Variants in ST7L observed in about 807,000 individuals in gnomAD.
The protein encoded by ST7L is suppression of tumorigenicity 7 like.
A neutral mutation model predicts 72.5 loss-of-function variants in ST7L; 57 were observed. The ratio of observed to expected loss-of-function variants is 0.79; its 90% CI spans 0.64 to 0.98. The LOEUF (loss-of-function observed/expected upper bound fraction) is 0.98. Among genes scored for constraint, ST7L ranks in the 50% least tolerant of loss-of-function variants. ST7L has a pLI of 0.00. For missense variants in ST7L, 576 were observed against 672.2 expected (o/e 0.86, Z 1.58); for synonymous variants, 221 against 240.9 (o/e 0.92, Z 0.77).
intron 2 of ST7L, among the ~76,000 whole-genome samples, chr1:112,614,751 A>C (rs1295903974): frequency 6.6e-6 from 1 of 152,118 alleles, no homozygotes; most frequent in African/African-American, 2.4e-5. Flanking sequence ...GTCTGAGACT[A>C]CCCTGAACAA....
chr1:112,573,048 G>A (rs371222009), intron 11 of ST7L, among the ~76,000 whole-genome samples: 2 of 151,916 alleles, frequency 1.3e-5, no homozygotes, highest in South Asian at 4.1e-4. Flanking sequence ...ACTAGCCAAG[G>A]TTAGGAATTA....
intron 4 of ST7L, among the ~76,000 whole-genome samples, chr1:112,599,073 A>AAAAAAAAAATATATATAT (rs1190968815): frequency 3.5e-5 from 2 of 57,002 alleles, no homozygotes; most frequent in African/African-American, 6.8e-5. Flanking sequence ...AAAAAAAAAA[A>AAAAAAAAAATATATATAT]ATATATATAT....
At chr1:112,587,693 T>C (rs116418142) in intron 6 of ST7L, among the ~76,000 whole-genome samples, 3,071 of 152,342 alleles carry the variant, frequency 0.02, 106 homozygotes, top group African/African-American at 0.069. Flanking sequence ...TCTAGGTGTC[T>C]ATCCTTGTAA....
At chr1:112,592,812 C>T (rs760245047) in intron 5 of ST7L, among the ~76,000 whole-genome samples, 28 of 151,870 alleles carry the variant, frequency 1.8e-4, no homozygotes, top group Non-Finnish European at 3.7e-4. Context: ...TTTGCTAATA[C>T]AAAACATTGT....
At chr1:112,616,194 C>G (rs1265845061) in intron 2 of ST7L, among the ~76,000 whole-genome samples, 3 of 152,178 alleles carry the variant, frequency 2.0e-5, no homozygotes, top group Admixed American at 2.0e-4. Context: ...TTATTAAACT[C>G]TATCCATTTC....
intron 4 of ST7L, among the ~76,000 whole-genome samples, chr1:112,600,491 G>A (rs1366239260): frequency 6.6e-6 from 1 of 152,054 alleles, no homozygotes; most frequent in Non-Finnish European, 1.5e-5. Context: ...AGCTACTTGG[G>A]AGGCTGAGGC....
rs756525925 is a variant in ST7L at position 112,611,011 on chromosome 1, A to G, written c.289-8T>C. ...GTACCACCATTCAAATATCTATGAC[A>G]AACAGAAAATATCCTGCACTTAGAA... On this transcript the variant is annotated splice_region_variant and splice_polypyrimidine_tract_variant and intron_variant, in intron 2 of 14. Coordinates refer to ENST00000358039, the MANE Select transcript of ST7L (RefSeq NM_017744.5). 6 of 1,612,660 alleles carry G rather than the reference A, an allele frequency of 3.7e-6. No homozygotes were observed. The African/African-American group carries it at 8.0e-5, about 22-fold the overall frequency.
At chr1:112,610,054 C>T (rs889969903) in intron 3 of ST7L, among the ~76,000 whole-genome samples, 5 of 151,762 alleles carry the variant, frequency 3.3e-5, no homozygotes, top group African/African-American at 1.2e-4. Context: ...TATATATATA[C>T]ACTGAGAAAA....
At chr1:112,582,139 C>A (rs1382106813) in intron 8 of ST7L, 33 bp from the exon 9 acceptor site, 1 of 1,483,930 alleles carries the variant, frequency 6.7e-7, no homozygotes, top group East Asian at 2.3e-5. Context: ...AGATTAAAAT[C>A]ATAACAAAGG....
intron 5 of ST7L, among the ~76,000 whole-genome samples, chr1:112,596,878 C>T (rs1219269868): frequency 6.6e-6 from 1 of 152,106 alleles, no homozygotes. Context: ...CTCTGGTGAT[C>T]CATCCACCTC....
At chr1:112,599,073 A>AAAAAAAAAAAAAATAT (rs1190968815) in intron 4 of ST7L, among the ~76,000 whole-genome samples, 3 of 56,988 alleles carry the variant, frequency 5.3e-5, no homozygotes, top group African/African-American at 6.9e-5. Context: ...AAAAAAAAAA[A>AAAAAAAAAAAAAATAT]ATATATATAT....
intron 7 of ST7L, 49 bp from the exon 8 acceptor site, chr1:112,582,521 GGCT>G (rs779402860): frequency 9.8e-6 from 11 of 1,117,522 alleles, no homozygotes; most frequent in African/African-American, 9.3e-5. Context: ...TTGTATTGTG[GGCT>G]GCTATTTCAT....
intron 5 of ST7L, among the ~76,000 whole-genome samples, chr1:112,594,913 T>A (rs917795547): frequency 1.3e-5 from 2 of 152,178 alleles, no homozygotes; most frequent in African/African-American, 4.8e-5. Context: ...TCAAATGCAA[T>A]TTAAATTTTT....
intron 14 of ST7L, among the ~76,000 whole-genome samples, chr1:112,531,557 G>A (rs1010559702): frequency 1.3e-5 from 2 of 152,180 alleles, no homozygotes; most frequent in South Asian, 2.1e-4. Flanking sequence ...TATATCTTAC[G>A]GGAGCCGTGT....
At chr1:112,600,873 G>A (rs747743381) in intron 3 of ST7L, 25 bp from the exon 4 acceptor site, 83 of 1,592,432 alleles carry the variant, frequency 5.2e-5, no homozygotes, top group Non-Finnish European at 6.2e-5. Context: ...AGAAAAAGGG[G>A]GAAAAAGAGA....
At chr1:112,596,910 T>C (rs1666564205) in intron 5 of ST7L, among the ~76,000 whole-genome samples, 1 of 152,202 alleles carries the variant, frequency 6.6e-6, no homozygotes. Flanking sequence ...GTGCTGGGAT[T>C]ACAGGCGTGA....
At chr1:112,581,286 A>G (rs1390408452) in intron 9 of ST7L, among the ~76,000 whole-genome samples, 1 of 152,158 alleles carries the variant, frequency 6.6e-6, no homozygotes, top group Non-Finnish European at 1.5e-5. Flanking sequence ...CACAGCACCC[A>G]TACTTCTCCA....
intron 14 of ST7L, chr1:112,539,590 A>T: frequency 1.7e-6 from 1 of 599,580 alleles, no homozygotes; most frequent in Non-Finnish European, 2.1e-6. Context: ...TAGAAGGCGG[A>T]GGTTGCAGTG....
At chr1:112,600,047 T>A (rs1000592602) in intron 4 of ST7L, among the ~76,000 whole-genome samples, 9 of 149,492 alleles carry the variant, frequency 6.0e-5, no homozygotes, top group East Asian at 3.9e-4. Flanking sequence ...CTACCAAAAA[T>A]TTTTTTTTTT....
Sources: gnomAD v4.1 joint callset for allele counts (sites outside exome capture counted in the v4.1 genomes callset) on GRCh38, gnomAD v4.1.1 for gene constraint, MANE v1.5 for transcripts, NCBI Gene and HGNC (gene_info 2026-07-23, HGNC 2026-07-21) for gene names.